GCSAML: variants seen among roughly 807,000 people sequenced by gnomAD.
GCSAML encodes the protein germinal center-associated signaling and motility-like protein.
GCSAML carries 9 observed loss-of-function variants against 13.0 expected under a neutral mutation model. The observed-to-expected ratio is 0.69, with a 90% CI of 0.42 to 1.21. GCSAML has a LOEUF of 1.21. Among genes scored for constraint, GCSAML ranks in the 50% most tolerant of loss-of-function variants. GCSAML has a pLI of 0.00. For missense variants in GCSAML, 143 were observed against 153.4 expected (o/e 0.93, Z 0.36); for synonymous variants, 37 against 52.9 (o/e 0.70, Z 1.31).
chr1:247,535,364 A>G (rs73148463), intron 2 of GCSAML, among the ~76,000 whole-genome samples: 8,106 of 152,218 alleles, frequency 0.053, 686 homozygotes, highest in African/African-American at 0.18. Flanking sequence ...AGACCTGTCA[A>G]AACGTGGATG....
chr1:247,564,213 T>A (rs1668251331), intron 3 of GCSAML, among the ~76,000 whole-genome samples: 1 of 152,114 alleles, frequency 6.6e-6, no homozygotes, highest in Non-Finnish European at 1.5e-5. Flanking sequence ...ATTACAGGCG[T>A]GAGCCACCAT....
At position 247,526,021 on chromosome 1, in the gene GCSAML, C is replaced by CA. The variant is rs1389811170; in HGVS notation, c.-262-917dup. On this transcript the variant is annotated intron_variant, in intron 1 of 5. Transcript: ENST00000366489. The surrounding 1 kb of genome is among the most constrained non-coding windows in gnomAD (Gnocchi z 4.8). ...CTAAAATTTATCTTGAGCTACTAGT[C>CA]AAGTTTGCAAGGATTTCAATACACA... 2 of 152,150 alleles carry CA rather than the reference C, an allele frequency of 1.3e-5. No homozygotes were observed. Among genetic ancestry groups the CA allele is most frequent in the Non-Finnish European group, 2.9e-5 (2 of 68,032 alleles). 9.4% of individuals were successfully genotyped at this position (152,150 alleles called of 1,614,324 possible). A position where few individuals can be genotyped will look rare whatever the true frequency, so the allele number is the denominator to read the frequency against.
chr1:247,521,350 C>G (rs1666413337), intron 1 of GCSAML, among the ~76,000 whole-genome samples: 1 of 104,014 alleles, frequency 9.6e-6, no homozygotes, highest in Non-Finnish European at 2.0e-5. Flanking sequence ...TCCACGGTCT[C>G]CCTCTCCCTC....
intron 1 of GCSAML, 62 bp downstream of exon 1, chr1:247,549,282 G>A: frequency 7.1e-7 from 1 of 1,407,542 alleles, no homozygotes; most frequent in South Asian, 1.2e-5. Flanking sequence ...AAGGAGGCTG[G>A]ACATAACGCA....
chr1:247,543,799 A>ATTTTTTTTTTTT (rs1265521616), intron 2 of GCSAML, among the ~76,000 whole-genome samples: 1 of 151,692 alleles, frequency 6.6e-6, no homozygotes, highest in Non-Finnish European at 1.5e-5. Context: ...TATTAAAAAA[A>ATTTTTTTTTTTT]TTTTTTTAGA....
intron 1 of GCSAML, among the ~76,000 whole-genome samples, chr1:247,515,940 T>G (rs1401909447): frequency 1.3e-5 from 2 of 152,198 alleles, no homozygotes; most frequent in Non-Finnish European, 2.9e-5. Context: ...CTACACATAG[T>G]TAGCTGATAA....
chr1:247,574,860 G>T lies in GCSAML; in HGVS notation c.*478G>T, dbSNP rs190347886. The T allele has an allele frequency of 2.9e-3, 481 of 165,620 alleles. 2 individuals carry two copies. The highest frequency in any genetic ancestry group is 4.5e-3 in the Non-Finnish European group (338 of 75,070). 10.3% of individuals were successfully genotyped at this position (165,620 alleles called of 1,614,324 possible). A position where few individuals can be genotyped will look rare whatever the true frequency, so the allele number is the denominator to read the frequency against. On this transcript the variant is annotated 3_prime_UTR_variant, in exon 5 of 5. Coordinates refer to ENST00000366488, the MANE Select transcript of GCSAML (RefSeq NM_145278.5). ...GATGAGTCATAAGACTGATGAAATA[G>T]ACTGATTGTGGCAATAAGAGTCCCA...
intron 1 of GCSAML, among the ~76,000 whole-genome samples, chr1:247,523,997 T>TACACACACACACAC (rs34257635): frequency 0.019 from 2,757 of 147,812 alleles, 43 homozygotes; most frequent in Non-Finnish European, 0.025. Context: ...ACATCTGTCT[T>TACACACACACACAC]ACACACACAC....
At chr1:247,565,543 A>G (rs566086436) in intron 3 of GCSAML, 2 of 170,350 alleles carry the variant, frequency 1.2e-5, no homozygotes, top group South Asian at 3.7e-4. Flanking sequence ...TTCCTGTGAT[A>G]GTTACATAAA....
At chr1:247,509,489 G>A (rs963221419) in intron 1 of GCSAML, among the ~76,000 whole-genome samples, 5 of 150,112 alleles carry the variant, frequency 3.3e-5, no homozygotes, top group Non-Finnish European at 7.5e-5. Context: ...TATATGAATA[G>A]GCTTTCTTTC....
intron 1 of GCSAML, among the ~76,000 whole-genome samples, chr1:247,551,391 A>T (rs1011671205): frequency 6.6e-6 from 1 of 152,222 alleles, no homozygotes; most frequent in South Asian, 2.1e-4. Flanking sequence ...CTCCAGTAGC[A>T]GAAGAAGTTG....
intron 2 of GCSAML, chr1:247,531,218 T>G: frequency 3.5e-6 from 1 of 288,144 alleles, no homozygotes; most frequent in Non-Finnish European, 6.5e-6. Flanking sequence ...GTCGTCAAAG[T>G]TTATTATCCA....
intron 2 of GCSAML, 62 bp from the exon 3 acceptor site, chr1:247,563,528 G>A (rs1367503497): frequency 3.9e-5 from 37 of 960,558 alleles, no homozygotes; most frequent in Non-Finnish European, 5.5e-5. Context: ...TGCTTTTTTT[G>A]AAAGGCATTT....
At chr1:247,566,185 C>G (rs1460648522) in intron 4 of GCSAML, among the ~76,000 whole-genome samples, 2 of 152,080 alleles carry the variant, frequency 1.3e-5, no homozygotes, top group African/African-American at 4.8e-5. Context: ...TTCAACTGAT[C>G]GAGATGAGTA....
intron 1 of GCSAML, among the ~76,000 whole-genome samples, chr1:247,509,382 T>G (rs1009289370): frequency 1.3e-5 from 2 of 152,240 alleles, no homozygotes; most frequent in Non-Finnish European, 2.9e-5. Context: ...GCTAAGTTGC[T>G]TATCAGCTTA....
At chr1:247,568,909 T>C (rs1254189166) in intron 4 of GCSAML, among the ~76,000 whole-genome samples, 1 of 152,138 alleles carries the variant, frequency 6.6e-6, no homozygotes, top group Non-Finnish European at 1.5e-5. Context: ...GTAAGTTGTA[T>C]TCCTAGGTAT....
Position 247,512,659 on chromosome 1 carries a change from G to A in GCSAML, c.-263+5426G>A, listed in dbSNP as rs142184906. The stretch of plus-strand genomic sequence containing the variant: ...CATCTTTGTGGATTTACCTACCTTT[G>A]GTCTTTGATGTTGGTGACCTTCAGA... On this transcript the variant is annotated intron_variant, in intron 1 of 5. Transcript: ENST00000366489. Among the ~76,000 whole-genome samples, 1,322 of 152,072 alleles carry A rather than the reference G, an allele frequency of 8.7e-3. 14 individuals are homozygous for A. The highest frequency in any genetic ancestry group is 0.03 in the African/African-American group (1,243 of 41,502).
intron 1 of GCSAML, 131 bp downstream of exon 1, chr1:247,549,351 T>C: frequency 1.4e-6 from 1 of 706,062 alleles, no homozygotes; most frequent in East Asian, 2.7e-5. Context: ...CAGCATCCTC[T>C]AGGAGCACAC....
intron 2 of GCSAML, among the ~76,000 whole-genome samples, chr1:247,562,520 C>G (rs1207742532): frequency 2.0e-5 from 3 of 152,274 alleles, no homozygotes; most frequent in East Asian, 1.9e-4. Context: ...GGTCTCTGCT[C>G]TGTTGCAAAA....
Sources: gnomAD v4.1 joint callset for allele counts (sites outside exome capture counted in the v4.1 genomes callset) on GRCh38, gnomAD v4.1.1 for gene constraint, Gnocchi (gnomAD v3.1) non-coding constraint, MANE v1.5 for transcripts, NCBI Gene and HGNC (gene_info 2026-07-23, HGNC 2026-07-21) for gene names.